The following TMTC4 variants were observed in gnomAD, a reference collection of about 807,000 sequenced individuals.
TMTC4 encodes the protein transmembrane O-mannosyltransferase targeting cadherins 4.
Under a neutral mutation model 86.0 loss-of-function variants are expected in TMTC4, and 65 were observed. That is an observed-to-expected ratio of 0.76 (90% CI 0.62 to 0.93). The LOEUF (loss-of-function observed/expected upper bound fraction) is 0.93. TMTC4 is among the 40% of genes least tolerant of loss of function. TMTC4 has a pLI of 0.00. For synonymous variants in TMTC4, 379 were observed against 382.5 expected (o/e 0.99, Z 0.11); for missense variants, 866 against 948.1 (o/e 0.91, Z 1.14).
At chr13:100,642,962 A>G (rs561385271) in intron 6 of TMTC4, among the ~76,000 whole-genome samples, 3 of 152,314 alleles carry the variant, frequency 2.0e-5, no homozygotes, top group African/African-American at 4.8e-5. Context: ...TCGAGCACCA[A>G]CAAGAAGCCA....
At chr13:100,613,303 T>C (rs1262053527) in intron 16 of TMTC4, among the ~76,000 whole-genome samples, 1 of 152,060 alleles carries the variant, frequency 6.6e-6, no homozygotes, top group Non-Finnish European at 1.5e-5. Flanking sequence ...TTTTTCCAGA[T>C]CCCCCATGAG....
intron 7 of TMTC4, among the ~76,000 whole-genome samples, chr13:100,639,270 C>G (rs1251568910): frequency 2.0e-5 from 3 of 152,176 alleles, no homozygotes; most frequent in Admixed American, 2.0e-4. Flanking sequence ...CTGGGAGCCA[C>G]TAATTATCTA....
intron 12 of TMTC4, among the ~76,000 whole-genome samples, chr13:100,632,420 C>G (rs1483704475): frequency 6.6e-6 from 1 of 152,178 alleles, no homozygotes; most frequent in Non-Finnish European, 1.5e-5. Flanking sequence ...GTAAAGAAAT[C>G]TGAACTCCTT....
At chr13:100,612,251 C>T (rs1594230445) in intron 17 of TMTC4, 147 bp downstream of exon 17, 1 of 623,902 alleles carries the variant, frequency 1.6e-6, no homozygotes, top group East Asian at 3.0e-5. Flanking sequence ...AGCAACTTTT[C>T]CAGGAAACAA....
chr13:100,632,005 T>TAAG (rs71695890), intron 12 of TMTC4, among the ~76,000 whole-genome samples: 27,561 of 127,084 alleles, frequency 0.22, 2,885 homozygotes, highest in Admixed American at 0.29. Flanking sequence ...TTCCTTAAAT[T>TAAG]AAGAGGAAAC....
At chr13:100,674,864 G>A (rs1887667834), upstream of TMTC4, 8 of 916,868 alleles carry the variant, frequency 8.7e-6, no homozygotes, top group South Asian at 3.5e-4. Context: ...GACCCCCCCC[G>A]CGCCGCGCCT....
intron 15 of TMTC4, among the ~76,000 whole-genome samples, chr13:100,623,650 T>G (rs866056848): frequency 0.02 from 2,949 of 147,068 alleles, 106 homozygotes; most frequent in African/African-American, 0.07. Flanking sequence ...GTTTTGTTTT[T>G]TTTTTTTTTT....
chr13:100,660,350 A>G (rs1194853394), intron 5 of TMTC4, among the ~76,000 whole-genome samples: 1 of 150,384 alleles, frequency 6.6e-6, no homozygotes, highest in Non-Finnish European at 1.5e-5. Context: ...AAAAAAAAAG[A>G]AAAGAAAAAA....
At chr13:100,656,541 A>AATTTTTTT in intron 5 of TMTC4, 73 bp from the exon 6 acceptor site, 2 of 462,944 alleles carry the variant, frequency 4.3e-6, no homozygotes, top group African/African-American at 2.6e-5. Context: ...AGGAGACATA[A>AATTTTTTT]CTTTTTTTTT....
At chr13:100,645,326 T>G (rs1374035776) in intron 6 of TMTC4, among the ~76,000 whole-genome samples, 1 of 152,234 alleles carries the variant, frequency 6.6e-6, no homozygotes, top group Non-Finnish European at 1.5e-5. Flanking sequence ...AGAACAGTCC[T>G]GGCAGAATCC....
chr13:100,613,659 T>TA (rs1877985857), intron 16 of TMTC4, among the ~76,000 whole-genome samples: 1 of 152,118 alleles, frequency 6.6e-6, no homozygotes, highest in Non-Finnish European at 1.5e-5. Context: ...AGAAACAAGA[T>TA]ACTGTCACAC....
At chr13:100,629,864 C>A (rs1303801208) in intron 12 of TMTC4, among the ~76,000 whole-genome samples, 1 of 152,082 alleles carries the variant, frequency 6.6e-6, no homozygotes. Flanking sequence ...GATATGTGTG[C>A]ACAGAAGACA....
chr13:100,664,297 G>C lies in TMTC4; in HGVS notation c.259C>G (p.His87Asp). ...AETPLGDLWH[H>D]DFWGSRLSSN... ...CTCAGTCTACTGCCCCAGAAGTCAT[G>C]ATGCCACAGGTCCCCCAGGGGCGTT... Residue 87 changes from histidine (H) to aspartate (D), a missense_variant, in exon 4 of 19, where the codon CAT becomes GAT. Physicochemically the swap from His to Asp is moderately conservative, Grantham distance 81. Coordinates refer to ENST00000342624, the MANE Select transcript of TMTC4 (RefSeq NM_032813.5). 6.2e-7 allele frequency: 1 copy of C among 1,611,894 alleles called. No homozygotes were observed. Among genetic ancestry groups the C allele is most frequent in the Non-Finnish European group, 8.5e-7 (1 of 1,178,932 alleles).
intron 15 of TMTC4, chr13:100,623,970 C>T: frequency 2.5e-6 from 1 of 407,168 alleles, no homozygotes; most frequent in Middle Eastern, 3.6e-4. Flanking sequence ...TGGGTCCAGT[C>T]TCTTCCTTGC....
Position 100,655,950 on chromosome 13 carries a change from A to G in TMTC4, c.640+431T>C, listed in dbSNP as rs149255940. On this transcript the variant is annotated intron_variant, in intron 6 of 18. Coordinates refer to ENST00000342624, the MANE Select transcript of TMTC4 (RefSeq NM_032813.5). The stretch of plus-strand genomic sequence containing the variant: ...GGTTCAGTCTGGACAGGATGGGATG[A>G]AGGAGGGACAGTGTATGAAAAATCT... Among the ~76,000 whole-genome samples the G allele has an allele frequency of 1.5e-3, 227 of 152,292 alleles. 1 individual carries two copies. Among genetic ancestry groups the G allele is most frequent in the African/African-American group, 5.1e-3 (213 of 41,578 alleles).
At chr13:100,608,636 C>A (rs1255534409) in intron 17 of TMTC4, among the ~76,000 whole-genome samples, 1 of 152,050 alleles carries the variant, frequency 6.6e-6, no homozygotes, top group Non-Finnish European at 1.5e-5. Context: ...GTATTCAAAG[C>A]CCATGAAATG....
intron 5 of TMTC4, among the ~76,000 whole-genome samples, chr13:100,658,878 T>C (rs1885434059): frequency 6.6e-6 from 1 of 152,352 alleles, no homozygotes. Flanking sequence ...TTTTTTGGCA[T>C]AGTAATTAAG....
intron 12 of TMTC4, among the ~76,000 whole-genome samples, chr13:100,626,943 G>A (rs1880635734): frequency 6.6e-6 from 1 of 152,152 alleles, no homozygotes; most frequent in African/African-American, 2.4e-5. Flanking sequence ...GCCCATGAAT[G>A]GATCAGTGCC....
intron 16 of TMTC4, 144 bp from the exon 17 acceptor site, chr13:100,612,654 T>TAC (rs60782137): frequency 0.069 from 30,748 of 446,200 alleles, 855 homozygotes; most frequent in Admixed American, 0.12. Context: ...GATCATGTAA[T>TAC]ACACACACAC....
Sources: allele counts gnomAD v4.1 joint callset (sites outside exome capture counted in the v4.1 genomes callset), GRCh38; gene constraint gnomAD v4.1.1; transcripts MANE v1.5; gene names NCBI Gene and HGNC (gene_info 2026-07-23, HGNC 2026-07-21).